DAB1: variants seen among roughly 807,000 people sequenced by gnomAD.
DAB1 encodes the protein disabled homolog 1.
Under a neutral mutation model 64.6 loss-of-function variants are expected in DAB1, and 15 were observed. The observed-to-expected ratio is 0.23, with a 90% CI of 0.16 to 0.36. The LOEUF is 0.36. Among genes scored for constraint, DAB1 ranks in the 10% least tolerant of loss-of-function variants. DAB1 has a pLI of 1.00. For missense variants in DAB1, 596 were observed against 706.7 expected (o/e 0.84, Z 1.78); for synonymous variants, 235 against 251.9 (o/e 0.93, Z 0.64).
At chr1:57,272,538 AATT>A (rs1232466514) in intron 2 of DAB1, among the ~76,000 whole-genome samples, 1 of 152,164 alleles carries the variant, frequency 6.6e-6, no homozygotes, top group East Asian at 1.9e-4. Context: ...ATCTAGTCTA[AATT>A]GTCTCTCTGA....
At chr1:58,222,958 C>A (rs1470046017) in intron 4 of DAB1, among the ~76,000 whole-genome samples, 1 of 152,166 alleles carries the variant, frequency 6.6e-6, no homozygotes, top group Non-Finnish European at 1.5e-5. Flanking sequence ...GGCATCTGTT[C>A]CTTGCAGATT....
At position 57,125,566 on chromosome 1, in the gene DAB1, A is replaced by G. The variant is rs750083232; in HGVS notation, c.306+10977T>C. 1.2e-4 allele frequency among the ~76,000 whole-genome samples: 19 copies of G among 152,298 alleles called. 2 individuals are homozygous for G. In the South Asian group the frequency reaches 1.7e-3, roughly 13 times the overall value. On this transcript the variant is annotated intron_variant, in intron 4 of 14. Transcript: ENST00000371236. Reference sequence around the variant, plus strand: ...ATGTACATGAAAGTAGGAGAAAAGGATGAGGGAAAGGAAGAAGGCAAGTTA... The same window carrying G: ...ATGTACATGAAAGTAGGAGAAAAGGGTGAGGGAAAGGAAGAAGGCAAGTTA...
chr1:58,541,966 T>C (rs1485328767), intron 1 of DAB1, among the ~76,000 whole-genome samples: 5 of 152,200 alleles, frequency 3.3e-5, no homozygotes, highest in African/African-American at 1.2e-4. Context: ...AAAAAATATG[T>C]AAACTTCAAC....
intron 3 of DAB1, among the ~76,000 whole-genome samples, chr1:58,403,038 G>A (rs751895319): frequency 6.6e-5 from 10 of 152,200 alleles, no homozygotes; most frequent in South Asian, 6.3e-4. Context: ...TAAACCAGTC[G>A]ATCTCCTTAA....
intron 1 of DAB1, among the ~76,000 whole-genome samples, chr1:57,830,205 T>A (rs963268867): frequency 6.6e-6 from 1 of 152,176 alleles, no homozygotes; most frequent in African/African-American, 2.4e-5. Context: ...TCAACTTAGA[T>A]GCCCTGAGCA....
chr1:58,498,563 A>G (rs1277849735), intron 3 of DAB1, among the ~76,000 whole-genome samples: 2 of 152,208 alleles, frequency 1.3e-5, no homozygotes, highest in Admixed American at 6.5e-5. Context: ...ACTTTAAAAG[A>G]CAGAAAAGAA....
chr1:58,440,429 C>T (rs1354527723), intron 3 of DAB1, among the ~76,000 whole-genome samples: 1 of 152,174 alleles, frequency 6.6e-6, no homozygotes, highest in Non-Finnish European at 1.5e-5. Context: ...AGAGGAGGGA[C>T]CCTTGACCCA....
At chr1:57,435,046 C>CTTTTTTT (rs71580850) in intron 7 of DAB1, among the ~76,000 whole-genome samples, 75 of 93,074 alleles carry the variant, frequency 8.1e-4, no homozygotes, top group Non-Finnish European at 9.0e-4. Context: ...TTCTTTTTTT[C>CTTTTTTT]TTTTTTTTTT....
chr1:57,120,044 C>T (rs1656494549), intron 4 of DAB1, among the ~76,000 whole-genome samples: 3 of 152,078 alleles, frequency 2.0e-5, no homozygotes, highest in African/African-American at 7.2e-5. Context: ...GTGAATTTCT[C>T]TGCCTCTACT....
chr1:57,005,368 T>C (rs1026574384), intron 14 of DAB1, among the ~76,000 whole-genome samples: 1 of 152,176 alleles, frequency 6.6e-6, no homozygotes, highest in Non-Finnish European at 1.5e-5. Context: ...CTGAGTAAGC[T>C]CCTGGTTACT....
intron 5 of DAB1, among the ~76,000 whole-genome samples, chr1:57,946,522 A>G (rs1282706161): frequency 6.6e-6 from 1 of 152,208 alleles, no homozygotes; most frequent in African/African-American, 2.4e-5. Flanking sequence ...ATAGGGTTGC[A>G]TCAACAGGCT....
intron 4 of DAB1, among the ~76,000 whole-genome samples, chr1:58,184,147 C>T (rs1277415144): frequency 1.3e-5 from 2 of 151,776 alleles, no homozygotes; most frequent in Non-Finnish European, 2.9e-5. Context: ...TTCAGAACTG[C>T]CTGGGATTTA....
chr1:57,619,650 G>C (rs56171625), intron 7 of DAB1, among the ~76,000 whole-genome samples: 24,205 of 152,084 alleles, frequency 0.16, 2,093 homozygotes, highest in Admixed American at 0.23. Flanking sequence ...GTTTCTCCCC[G>C]CTTGGCCTCC....
intron 4 of DAB1, among the ~76,000 whole-genome samples, chr1:57,083,866 T>C (rs1652801314): frequency 1.3e-5 from 2 of 152,214 alleles, no homozygotes; most frequent in Non-Finnish European, 2.9e-5. Flanking sequence ...TTTCGTTAAC[T>C]TGGACAAATC....
intron 7 of DAB1, among the ~76,000 whole-genome samples, chr1:57,524,222 T>A (rs1377078980): frequency 6.6e-6 from 1 of 152,114 alleles, no homozygotes; most frequent in Non-Finnish European, 1.5e-5. Flanking sequence ...TGCAAAATTA[T>A]GTAGAAAATT....
chr1:57,488,257 G>T (rs1644117117), intron 7 of DAB1, among the ~76,000 whole-genome samples: 1 of 151,916 alleles, frequency 6.6e-6, no homozygotes, highest in African/African-American at 2.4e-5. Context: ...CAAAAAATTA[G>T]CCGGCATGGT....
At chr1:57,526,313 G>C (rs1056392814) in intron 7 of DAB1, among the ~76,000 whole-genome samples, 1 of 152,070 alleles carries the variant, frequency 6.6e-6, no homozygotes, top group Non-Finnish European at 1.5e-5. Context: ...TATATCTAAA[G>C]AATTTGGAAA....
chr1:58,130,515 G>T (rs924592283), intron 5 of DAB1, among the ~76,000 whole-genome samples: 112 of 152,136 alleles, frequency 7.4e-4, no homozygotes, highest in African/African-American at 2.6e-3. Flanking sequence ...GTTAGCTGGT[G>T]ATTTTGCTCG....
At chr1:57,558,310 T>C (rs1645013755) in intron 7 of DAB1, among the ~76,000 whole-genome samples, 1 of 152,174 alleles carries the variant, frequency 6.6e-6, no homozygotes, top group Non-Finnish European at 1.5e-5. Context: ...TTACCTCCCC[T>C]GAGGCAGTTG....
Sources: allele counts gnomAD v4.1 joint callset (sites outside exome capture counted in the v4.1 genomes callset), GRCh38; gene constraint gnomAD v4.1.1; transcripts MANE v1.5; gene names NCBI Gene and HGNC (gene_info 2026-07-23, HGNC 2026-07-21).